Variants in AGBL4 observed in about 807,000 individuals in gnomAD.
The protein encoded by AGBL4 is AGBL carboxypeptidase 4, also known as cytosolic carboxypeptidase 6.
AGBL4 carries 58 observed loss-of-function variants against 66.4 expected under a neutral mutation model. That is an observed-to-expected ratio of 0.87 (90% confidence interval 0.71 to 1.09). The LOEUF is 1.09. AGBL4 is among the 50% of genes least tolerant of loss of function. The pLI is 0.00. For synonymous variants in AGBL4, 234 were observed against 222.9 expected, an observed-to-expected ratio of 1.05 and a Z score of -0.44; for missense variants, 579 against 631.0, an observed-to-expected ratio of 0.92 and a Z score of 0.88.
chr1:49,372,673 TTCTTTCTCTTTCTTTCTC>T (rs1644388169), intron 3 of AGBL4, among the ~76,000 whole-genome samples: 1 of 131,200 alleles, frequency 7.6e-6, no homozygotes. Context: ...CTTTCTTTCT[TTCTTTCTCTTTCTTTCTC>T]TTTCTTTCTT....
chr1:48,819,101 C>G (rs894644777), intron 6 of AGBL4, among the ~76,000 whole-genome samples: 9 of 152,146 alleles, frequency 5.9e-5, no homozygotes, highest in African/African-American at 2.2e-4. Context: ...CTCGTACAGA[C>G]AGTTTTCTCC....
chr1:49,588,377 T>C (rs1031256000), intron 3 of AGBL4, among the ~76,000 whole-genome samples: 3 of 152,190 alleles, frequency 2.0e-5, no homozygotes, highest in South Asian at 2.1e-4. Context: ...GTCTCATTCA[T>C]TGTTGTATTC....
intron 6 of AGBL4, among the ~76,000 whole-genome samples, chr1:48,699,081 G>C (rs777037819): frequency 2.6e-5 from 4 of 152,200 alleles, no homozygotes; most frequent in Non-Finnish European, 4.4e-5. Context: ...TCTAGGAGGA[G>C]GACATCCATA....
intron 3 of AGBL4, among the ~76,000 whole-genome samples, chr1:49,466,033 G>T (rs1042820205): frequency 1.3e-5 from 2 of 151,834 alleles, no homozygotes; most frequent in Non-Finnish European, 2.9e-5. Context: ...TGGTAGAGTA[G>T]CATTTTGTGC....
At chr1:49,537,570 T>C (rs987851127) in intron 3 of AGBL4, among the ~76,000 whole-genome samples, 7 of 152,142 alleles carry the variant, frequency 4.6e-5, no homozygotes, top group Non-Finnish European at 7.4e-5. Flanking sequence ...TCACTAATCA[T>C]CAGAGAAATG....
At chr1:49,830,780 T>C (rs1387813645) in intron 2 of AGBL4, among the ~76,000 whole-genome samples, 1 of 152,218 alleles carries the variant, frequency 6.6e-6, no homozygotes, top group Non-Finnish European at 1.5e-5. Flanking sequence ...GAGTTAATTT[T>C]TGTATAAGGT....
chr1:48,649,624 T>C (rs760351073), intron 8 of AGBL4, among the ~76,000 whole-genome samples: 3 of 152,232 alleles, frequency 2.0e-5, no homozygotes, highest in Non-Finnish European at 2.9e-5. Context: ...TGGCCATCTA[T>C]TGCTATTAAA....
chr1:49,571,649 C>G (rs1644333987), intron 3 of AGBL4, among the ~76,000 whole-genome samples: 1 of 152,048 alleles, frequency 6.6e-6, no homozygotes, highest in African/African-American at 2.4e-5. Flanking sequence ...TCTCTTGTTC[C>G]AGTTCTTTAG....
chr1:49,132,564 G>C (rs941645118), intron 4 of AGBL4, among the ~76,000 whole-genome samples: 2 of 152,122 alleles, frequency 1.3e-5, no homozygotes, highest in Non-Finnish European at 2.9e-5. Context: ...CTGGAAGCAT[G>C]TATTTTAGAG....
At chr1:49,939,301 C>A (rs1654480889) in intron 1 of AGBL4, among the ~76,000 whole-genome samples, 1 of 151,016 alleles carries the variant, frequency 6.6e-6, no homozygotes, top group East Asian at 1.9e-4. Context: ...AGATTCAATG[C>A]CATCCCCATC....
At chr1:49,358,279 C>T (rs968661509) in intron 3 of AGBL4, among the ~76,000 whole-genome samples, 1 of 152,036 alleles carries the variant, frequency 6.6e-6, no homozygotes, top group South Asian at 2.1e-4. Flanking sequence ...AGGAAACTTT[C>T]CAAGACTCTA....
intron 11 of AGBL4, chr1:48,584,775 G>A (rs556829915): frequency 6.6e-6 from 1 of 152,210 alleles, no homozygotes; most frequent in East Asian, 1.9e-4. Flanking sequence ...AATCTTCCCT[G>A]ACTCCTAGGA....
At chr1:48,601,948 C>G (rs1645079805) in intron 9 of AGBL4, among the ~76,000 whole-genome samples, 1 of 152,156 alleles carries the variant, frequency 6.6e-6, no homozygotes, top group South Asian at 2.1e-4. Context: ...GAGCTCTCAA[C>G]TAAGAAGAGG....
intron 3 of AGBL4, among the ~76,000 whole-genome samples, chr1:49,325,770 T>A (rs1433822613): frequency 1.3e-5 from 2 of 152,242 alleles, no homozygotes; most frequent in African/African-American, 4.8e-5. Flanking sequence ...ATCATGGGGA[T>A]GGATTTCTCA....
At chr1:48,633,734 C>A (rs909808097) in intron 9 of AGBL4, among the ~76,000 whole-genome samples, 2 of 152,238 alleles carry the variant, frequency 1.3e-5, no homozygotes, top group African/African-American at 4.8e-5. Flanking sequence ...TGCTTCATTT[C>A]TCTAAGCTAT....
chr1:48,601,780 C>T (rs1263409397), intron 9 of AGBL4, among the ~76,000 whole-genome samples: 1 of 152,102 alleles, frequency 6.6e-6, no homozygotes, highest in Non-Finnish European at 1.5e-5. Flanking sequence ...TTCGAGCTTA[C>T]ATCTCACCAC....
intron 4 of AGBL4, among the ~76,000 whole-genome samples, chr1:49,154,890 C>T (rs760192830): frequency 1.3e-5 from 2 of 152,076 alleles, no homozygotes; most frequent in Non-Finnish European, 2.9e-5. Context: ...ATGAAGAGTG[C>T]CTACTCTCAT....
intron 3 of AGBL4, chr1:49,472,230 G>A (rs539857196): frequency 6.6e-6 from 1 of 152,114 alleles, no homozygotes; most frequent in East Asian, 1.9e-4. Context: ...TATTATTTAA[G>A]TCTGATGTGG....
intron 5 of AGBL4, among the ~76,000 whole-genome samples, chr1:48,900,540 A>G (rs571986704): frequency 2.6e-5 from 4 of 152,264 alleles, no homozygotes; most frequent in Non-Finnish European, 4.4e-5. Context: ...TAGCATAATT[A>G]GATCCATAAA....
Sources: gnomAD v4.1 joint callset for allele counts (sites outside exome capture counted in the v4.1 genomes callset) on GRCh38, gnomAD v4.1.1 for gene constraint, MANE v1.5 for transcripts, NCBI Gene and HGNC (gene_info 2026-07-23, HGNC 2026-07-21) for gene names.